BCAS3: variants seen among roughly 807,000 people sequenced by gnomAD.
BCAS3 encodes BCAS4/BCAS3 fusion.
Under a neutral mutation model 116.1 loss-of-function variants are expected in BCAS3, and 53 were observed. The observed-to-expected ratio is 0.46, with a 90% CI of 0.37 to 0.57. The LOEUF (loss-of-function observed/expected upper bound fraction) is 0.57. Among genes scored for constraint, BCAS3 ranks in the 20% least tolerant of loss-of-function variants. The pLI, the probability that BCAS3 is intolerant of heterozygous loss-of-function variation, is 0.00. For missense variants in BCAS3, 917 were observed against 1,165.4 expected (o/e 0.79, Z 3.10); for synonymous variants, 391 against 408.2 (o/e 0.96, Z 0.51).
At chr17:60,799,435 A>C (rs1245276271) in intron 6 of BCAS3, among the ~76,000 whole-genome samples, 1 of 151,838 alleles carries the variant, frequency 6.6e-6, no homozygotes, top group East Asian at 1.9e-4. Context: ...CCAGCCCTTG[A>C]GAACAATTTT....
In BCAS3 at chr17:60,961,182, CAG is replaced by C. The variant is rs1276331088; in HGVS notation, c.1221+13831_1221+13832del. 6.6e-6 allele frequency among the ~76,000 whole-genome samples: 1 copy of C among 152,064 alleles called. No homozygotes were observed. The highest frequency in any genetic ancestry group is 1.9e-4 in the East Asian group (1 of 5,178). On this transcript the variant is annotated intron_variant, in intron 14 of 23. Coordinates refer to ENST00000407086, the MANE Select transcript of BCAS3 (RefSeq NM_017679.5). This position sits in a 1 kb window ranked among gnomAD's most constrained non-coding sequence, Gnocchi z 4.8. ...TGGCAGTAAGGGAGACATTTGAGGT[CAG>C]GGAGAAATTTTGAAAAACTTATATC...
chr17:61,016,009 C>A, intron 16 of BCAS3, 108 bp downstream of exon 16: 1 of 1,210,068 alleles, frequency 8.3e-7, no homozygotes, highest in African/African-American at 1.5e-5. Context: ...TCTTCATTTC[C>A]AGCTCAAATA....
intron 14 of BCAS3, among the ~76,000 whole-genome samples, chr17:60,975,375 C>T (rs1158519838): frequency 1.3e-5 from 2 of 152,208 alleles, no homozygotes; most frequent in Non-Finnish European, 2.9e-5. Context: ...CTCGTTTAGG[C>T]TTCTCAGCAG....
chr17:60,712,936 GGA>G (rs1422976932), intron 5 of BCAS3, among the ~76,000 whole-genome samples: 1 of 152,128 alleles, frequency 6.6e-6, no homozygotes, highest in Non-Finnish European at 1.5e-5. Flanking sequence ...TTGGGAAGTG[GGA>G]CCTGAGCAGA....
chr17:60,899,698 A>G (rs977204105), intron 10 of BCAS3, among the ~76,000 whole-genome samples: 2 of 151,966 alleles, frequency 1.3e-5, no homozygotes, highest in African/African-American at 4.8e-5. Flanking sequence ...GGGTTTCACC[A>G]TGTTGACCAA....
At position 61,380,610 on chromosome 17, in the gene BCAS3, G is replaced by A. The variant is rs779491285; in HGVS notation, c.2594-11367G>A. The A allele has an allele frequency of 1.3e-6, 2 of 1,575,744 alleles. No individual in the cohort carries two copies. The highest frequency in any genetic ancestry group is 3.3e-5 in the Admixed American group (2 of 59,718). On this transcript the variant is annotated intron_variant, in intron 23 of 23. Transcript: ENST00000407086. The surrounding 1 kb of genome is among the most constrained non-coding windows in gnomAD (Gnocchi z 4.2). ...TATCTTTGCCTATGTGGAAGGGGTT[G>A]TCCCGTTGCTTCTTTTGTCCCTCAA... is the stretch of plus-strand genomic sequence containing the variant.
rs1283979551 is a variant in BCAS3 at position 60,990,134 on chromosome 17, C to G, written c.1385C>G (p.Ala462Gly). The G allele has an allele frequency of 3.1e-6, 5 of 1,614,048 alleles. No individual in the cohort carries two copies. Among genetic ancestry groups the G allele is most frequent in the Non-Finnish European group, 3.4e-6 (4 of 1,180,032 alleles). Residue 462 changes from alanine to glycine, a missense_variant, in exon 15 of 24, where the codon GCT (alanine) becomes GGT (glycine). Ala to Gly is a moderately conservative substitution (Grantham distance 60). This residue lies in a region of BCAS3 where 807 missense variants were observed against 1,026.0 expected (regional missense o/e 0.79). Coordinates refer to ENST00000407086, the MANE Select transcript of BCAS3 (RefSeq NM_017679.5). This position sits in a 1 kb window ranked among gnomAD's most constrained non-coding sequence, Gnocchi z 5.1. ...CGCATGAGCCGTTTCCAGAAAAGTGCTGGACTGGAAGAGATTGAACAAGAA... is the reference window on the plus strand; with the variant it reads ...CGCATGAGCCGTTTCCAGAAAAGTGGTGGACTGGAAGAGATTGAACAAGAA... ...VNRMSRFQKSAGLEEIEQELT... is the reference protein window; with the variant it reads ...VNRMSRFQKSGGLEEIEQELT...
chr17:61,093,038 CT>C (rs1484338816), intron 22 of BCAS3, among the ~76,000 whole-genome samples: 8 of 150,736 alleles, frequency 5.3e-5, no homozygotes, highest in African/African-American at 2.0e-4. Context: ...TCCCAAGTAG[CT>C]GGGACTACAG....
chr17:61,060,818 T>C (rs1160993882), intron 19 of BCAS3, among the ~76,000 whole-genome samples: 1 of 152,194 alleles, frequency 6.6e-6, no homozygotes, highest in Non-Finnish European at 1.5e-5. Flanking sequence ...GATTCTTCAC[T>C]ATACATCTGA....
At chr17:61,230,899 A>G (rs1442839479) in intron 22 of BCAS3, among the ~76,000 whole-genome samples, 1 of 151,402 alleles carries the variant, frequency 6.6e-6, no homozygotes, top group Non-Finnish European at 1.5e-5. Context: ...GAACTAGTTT[A>G]TAACAACAGT....
rs546695202 is a variant in BCAS3 at position 60,796,936 on chromosome 17, C to T, written c.404-11068C>T. On this transcript the variant is annotated intron_variant, in intron 6 of 23. Coordinates refer to ENST00000407086, the MANE Select transcript of BCAS3 (RefSeq NM_017679.5). ...ATTTTACTTTTTTGAGACAGAGTCG[C>T]GCTCTGTTTCCCATGCTGGAGTGCT... Among the ~76,000 whole-genome samples, 388 of 152,240 alleles carry T rather than the reference C, an allele frequency of 2.5e-3. 5 individuals carry two copies. Among genetic ancestry groups the T allele is most frequent in the South Asian group, 0.016 (77 of 4,828 alleles).
intron 23 of BCAS3, chr17:61,383,728 A>G (rs535501745): frequency 6.6e-6 from 1 of 152,238 alleles, no homozygotes; most frequent in Non-Finnish European, 1.5e-5. Flanking sequence ...TGATTTCTTA[A>G]CCTTGATGGA....
chr17:61,156,664 G>T lies in BCAS3; in HGVS notation c.2425+72100G>T, dbSNP rs560825771. Among the ~76,000 whole-genome samples, 4 of 152,200 alleles carry T rather than the reference G, an allele frequency of 2.6e-5. No homozygotes were observed. The highest frequency in any genetic ancestry group is 1.3e-4 in the Admixed American group (2 of 15,288). ...AAATATGAAACTGTGTCTTTTTGTA[G>T]TTGATGAGTAACCTGTGGATGTGAA... On this transcript the variant is annotated intron_variant, in intron 22 of 23. Coordinates refer to ENST00000407086, the MANE Select transcript of BCAS3 (RefSeq NM_017679.5). This position sits in a 1 kb window ranked among gnomAD's most constrained non-coding sequence, Gnocchi z 4.7.
chr17:60,770,855 T>G (rs1423104475), intron 6 of BCAS3, among the ~76,000 whole-genome samples: 6,495 of 108,140 alleles, frequency 0.06, 695 homozygotes, highest in African/African-American at 0.28. Flanking sequence ...TTTTTTTTTT[T>G]TTTTTTTTTT....
At chr17:60,835,989 C>A (rs1323648302) in intron 7 of BCAS3, among the ~76,000 whole-genome samples, 1 of 152,060 alleles carries the variant, frequency 6.6e-6, no homozygotes, top group Non-Finnish European at 1.5e-5. Context: ...AAAATGGATT[C>A]TCTAAAAAAA....
chr17:60,917,727 G>A (rs1399508533), intron 12 of BCAS3, among the ~76,000 whole-genome samples: 1 of 151,940 alleles, frequency 6.6e-6, no homozygotes, highest in African/African-American at 2.4e-5. Context: ...CCAAGTAGCT[G>A]GATTACAGGC....
rs1265937368 is a variant in BCAS3 at position 61,083,343 on chromosome 17, T to C, written c.2328-1124T>C. 7.0e-6 allele frequency among the ~76,000 whole-genome samples: 1 copy of C among 141,918 alleles called. No homozygotes were observed. Among genetic ancestry groups the C allele is most frequent in the Non-Finnish European group, 1.5e-5 (1 of 68,030 alleles). The allele number at this position is 141,918 out of a possible 152,430, so 93.1% of individuals were successfully genotyped here. A position where few individuals can be genotyped will look rare whatever the true frequency, so the allele number is the denominator to read the frequency against. On this transcript the variant is annotated intron_variant, in intron 21 of 23. Transcript: ENST00000407086. The surrounding 1 kb of genome is among the most constrained non-coding windows in gnomAD (Gnocchi z 4.9). ...TGTGCTATGTCATATATATACACAT[T>C]GGTCTGTATTTTATGTTTTGTTTCT...
rs2051682271 is a variant in BCAS3, at chr17:61,285,501, A to G, written c.2426-82826A>G. 6.6e-6 allele frequency among the ~76,000 whole-genome samples: 1 copy of G among 152,160 alleles called. No individual in the cohort carries two copies. Among genetic ancestry groups the G allele is most frequent in the Non-Finnish European group, 1.5e-5 (1 of 68,016 alleles). ...GATCTAGACTAGACTAGACTAGAGGATTGACGCAGTGAAAATGTTTACTCC... is the reference window on the plus strand; with the variant it reads ...GATCTAGACTAGACTAGACTAGAGGGTTGACGCAGTGAAAATGTTTACTCC... On this transcript the variant is annotated intron_variant, in intron 22 of 23. Transcript: ENST00000407086. The surrounding 1 kb of genome is among the most constrained non-coding windows in gnomAD (Gnocchi z 5.4).
chr17:61,116,266 A>AAACC (rs1555725369), intron 22 of BCAS3, among the ~76,000 whole-genome samples: 1 of 151,202 alleles, frequency 6.6e-6, no homozygotes, highest in African/African-American at 2.4e-5. Context: ...ATAAATAAAT[A>AAACC]AATAAATAAA....
Sources: allele counts gnomAD v4.1 joint callset (sites outside exome capture counted in the v4.1 genomes callset), GRCh38; gene constraint gnomAD v4.1.1; regional missense constraint gnomAD v4.1.1; non-coding constraint Gnocchi (gnomAD v3.1); transcripts MANE v1.5; gene names NCBI Gene and HGNC (gene_info 2026-07-23, HGNC 2026-07-21).